SMYD3: variants seen among roughly 807,000 people sequenced by gnomAD.
The protein encoded by SMYD3 is SET and MYND domain containing 3.
In SMYD3, 36 loss-of-function variants were observed where a neutral mutation model predicts 57.7. The observed-to-expected ratio is 0.62, with a 90% CI of 0.48 to 0.82. The LOEUF is 0.82. Ranked by LOEUF, SMYD3 falls within the 40% of genes least tolerant of loss-of-function variation. The pLI is 0.00. For synonymous variants in SMYD3, 211 were observed against 195.0 expected (o/e 1.08, Z -0.68); for missense variants, 515 against 538.8 (o/e 0.96, Z 0.44).
chr1:245,926,764 G>A (rs549969808), intron 7 of SMYD3, among the ~76,000 whole-genome samples: 5 of 152,090 alleles, frequency 3.3e-5, no homozygotes, highest in Admixed American at 2.6e-4. Flanking sequence ...CGTCATCATC[G>A]ACAACAGCAG....
intron 5 of SMYD3, among the ~76,000 whole-genome samples, chr1:246,010,601 C>T (rs1558149001): frequency 1.3e-5 from 2 of 152,244 alleles, no homozygotes; most frequent in East Asian, 1.9e-4. Context: ...ATTCATTAAA[C>T]GAACAGTGTG....
chr1:246,194,261 G>A (rs981092678), intron 5 of SMYD3, among the ~76,000 whole-genome samples: 2 of 151,158 alleles, frequency 1.3e-5, no homozygotes, highest in Non-Finnish European at 2.9e-5. Flanking sequence ...CAGTTCTTGT[G>A]GGGTTTTTTT....
intron 5 of SMYD3, among the ~76,000 whole-genome samples, chr1:246,091,511 A>C (rs1381483564): frequency 6.9e-6 from 1 of 145,642 alleles, no homozygotes. Flanking sequence ...AAAAAAAAGA[A>C]CTGAAGTCGG....
Position 245,749,531 on chromosome 1 carries a change from C to T in SMYD3, c.*32G>A, listed in dbSNP as rs759272872. ...ACCTCAATAAGGCATTCAACAAAGA[C>T]ACACGCCGTATTTCCCTCTGACTGC... On this transcript the variant is annotated 3_prime_UTR_variant, in exon 12 of 12. Transcript: ENST00000490107. 6.5e-7 allele frequency: 1 copy of T among 1,541,562 alleles called. No homozygotes were observed. Among genetic ancestry groups the T allele is most frequent in the East Asian group, 2.2e-5 (1 of 44,524 alleles).
intron 10 of SMYD3, among the ~76,000 whole-genome samples, chr1:245,779,082 C>T (rs2046726071): frequency 6.6e-6 from 1 of 151,474 alleles, no homozygotes; most frequent in East Asian, 1.9e-4. Context: ...ATCACTTGAA[C>T]CCAGAAGGAG....
intron 5 of SMYD3, among the ~76,000 whole-genome samples, chr1:246,237,833 C>A (rs1345991463): frequency 6.6e-6 from 1 of 152,132 alleles, no homozygotes; most frequent in East Asian, 1.9e-4. Flanking sequence ...ACAAAGAAAT[C>A]TCCTGCAGTT....
chr1:246,135,917 T>G (rs527619981), intron 5 of SMYD3, among the ~76,000 whole-genome samples: 1 of 152,162 alleles, frequency 6.6e-6, no homozygotes. Context: ...GATTGTATAA[T>G]GTATATCAAG....
chr1:245,861,554 C>T (rs1424275172), intron 9 of SMYD3, among the ~76,000 whole-genome samples: 1 of 152,184 alleles, frequency 6.6e-6, no homozygotes, highest in African/African-American at 2.4e-5. Context: ...CTAACCGGTG[C>T]ATGGCAGTTA....
At chr1:245,945,957 G>A (rs1237770984) in intron 5 of SMYD3, among the ~76,000 whole-genome samples, 10 of 152,132 alleles carry the variant, frequency 6.6e-5, no homozygotes, top group Admixed American at 6.5e-4. Context: ...ACTGGGGCCT[G>A]TCCGGGGATT....
At chr1:245,911,481 TA>T (rs1044757606) in intron 8 of SMYD3, among the ~76,000 whole-genome samples, 35 of 136,708 alleles carry the variant, frequency 2.6e-4, no homozygotes, top group East Asian at 6.6e-4. Flanking sequence ...CATCAATAAG[TA>T]AAAAAAAAAA....
At chr1:246,400,258 T>C (rs568199243) in intron 1 of SMYD3, among the ~76,000 whole-genome samples, 1 of 152,346 alleles carries the variant, frequency 6.6e-6, no homozygotes, top group South Asian at 2.1e-4. Flanking sequence ...ACAGAAACAG[T>C]GCCTGCCTTC....
chr1:246,116,045 T>C (rs1049189494), intron 5 of SMYD3, among the ~76,000 whole-genome samples: 4 of 151,998 alleles, frequency 2.6e-5, no homozygotes, highest in Admixed American at 2.0e-4. Context: ...GAGGCTGAGG[T>C]ACAAGAATTG....
At chr1:246,451,666 G>A (rs976383605) in intron 1 of SMYD3, among the ~76,000 whole-genome samples, 1 of 152,220 alleles carries the variant, frequency 6.6e-6, no homozygotes, top group Non-Finnish European at 1.5e-5. Context: ...GAAGGTGATC[G>A]GTTGCAACAA....
chr1:245,889,692 C>T (rs576057908), intron 8 of SMYD3, among the ~76,000 whole-genome samples: 3 of 152,164 alleles, frequency 2.0e-5, no homozygotes, highest in African/African-American at 7.2e-5. Flanking sequence ...CAATGCAATC[C>T]CTCTCAAAAT....
chr1:246,006,853 A>C (rs2059182029), intron 5 of SMYD3, among the ~76,000 whole-genome samples: 1 of 152,222 alleles, frequency 6.6e-6, no homozygotes. Context: ...ATAACAAACA[A>C]GATCAAGGAG....
intron 5 of SMYD3, among the ~76,000 whole-genome samples, chr1:246,320,719 T>C (rs1195169815): frequency 6.6e-6 from 1 of 152,206 alleles, no homozygotes; most frequent in African/African-American, 2.4e-5. Context: ...TCTAGAACTC[T>C]GTACAATAAT....
At chr1:246,007,872 C>CA (rs149328525) in intron 5 of SMYD3, among the ~76,000 whole-genome samples, 8,755 of 151,308 alleles carry the variant, frequency 0.058, 362 homozygotes, top group African/African-American at 0.1. Context: ...AATTTGTACT[C>CA]AGACGTGGGA....
In SMYD3 at chr1:246,274,067, T is replaced by C. The variant is rs538856170; in HGVS notation, c.531+53134A>G. On this transcript the variant is annotated intron_variant, in intron 5 of 11. Transcript: ENST00000490107. The stretch of plus-strand genomic sequence containing the variant: ...ATTTTAGAATTAGACCTATCGATCA[T>C]GTCATACTTTCCTCAGATTCATAAC... 4.6e-5 allele frequency among the ~76,000 whole-genome samples: 7 copies of C among 152,336 alleles called. No homozygotes were observed. In the East Asian group the frequency reaches 9.6e-4, roughly 21 times the overall value.
chr1:246,286,072 A>G (rs1295531358), intron 5 of SMYD3, among the ~76,000 whole-genome samples: 1 of 152,188 alleles, frequency 6.6e-6, no homozygotes, highest in African/African-American at 2.4e-5. Context: ...ACTATGGAAA[A>G]CAGTGTGGAG....
Sources: allele counts gnomAD v4.1 joint callset (sites outside exome capture counted in the v4.1 genomes callset), GRCh38; gene constraint gnomAD v4.1.1; transcripts MANE v1.5; gene names NCBI Gene and HGNC (gene_info 2026-07-23, HGNC 2026-07-21).